The following CLTA variants were observed in gnomAD, a reference collection of about 807,000 sequenced individuals.
CLTA encodes clathrin light chain A.
CLTA carries 9 observed loss-of-function variants against 26.9 expected under a neutral mutation model. The observed-to-expected ratio is 0.33, with a 90% CI of 0.20 to 0.58. The LOEUF (loss-of-function observed/expected upper bound fraction) is 0.58. CLTA is among the 20% of genes least tolerant of loss of function. CLTA has a pLI of 0.85. For missense variants in CLTA, 278 were observed against 294.2 expected (o/e 0.94, Z 0.40); for synonymous variants, 120 against 115.5 (o/e 1.04, Z -0.25).
chr9:36,209,187 G>A, intron 4 of CLTA: 1 of 1,570,192 alleles, frequency 6.4e-7, no homozygotes, highest in African/African-American at 1.4e-5. Context: ...CTCAATTGTG[G>A]ATTTTAGATG....
At chr9:36,191,318 C>T (rs1324077164) in intron 1 of CLTA, 45 bp downstream of exon 1, 1 of 1,472,300 alleles carries the variant, frequency 6.8e-7, no homozygotes, top group Admixed American at 2.5e-5. Context: ...TGTCTGGAAA[C>T]TCGGTCCACA....
In CLTA at chr9:36,191,262, C is replaced by T; in HGVS notation, c.206C>T (p.Pro69Leu). The T allele has an allele frequency of 6.6e-7, 1 of 1,524,768 alleles. No homozygotes were observed. The allele number at this position is 1,524,768 out of a possible 1,614,324, so 94.5% of individuals were successfully genotyped here. The change falls in exon 1 of 5, where the codon CCG becomes CTG. Residue 69 changes from proline (P) to leucine (L), a missense_variant. Physicochemically the swap from Pro to Leu is moderately conservative, Grantham distance 98. Coordinates refer to ENST00000345519, the MANE Select transcript of CLTA (RefSeq NM_001833.4). ...APGPQPHGEP[P>L]GGPDAVDGVM... ...GGGCCCCAGCCGCACGGCGAGCCGC[C>T]GGGGGGTCCGGGTGAGAGTGCGGGC...
chr9:36,199,993 C>A (rs1314659473), intron 3 of CLTA, among the ~76,000 whole-genome samples: 1 of 152,160 alleles, frequency 6.6e-6, no homozygotes, highest in African/African-American at 2.4e-5. Flanking sequence ...CTACCCATCC[C>A]CATCAGCCAC....
At chr9:36,190,888 C>T (rs992114345), upstream of CLTA, 5 of 1,230,438 alleles carry the variant, frequency 4.1e-6, no homozygotes, top group Admixed American at 3.4e-5. Flanking sequence ...TCTGCAACAC[C>T]GCCTAGACCG....
Position 36,210,675 on chromosome 9 carries a change from T to C in CLTA, c.486-928T>C, listed in dbSNP as rs781739523. The C allele has an allele frequency of 8.7e-6, 14 of 1,614,036 alleles. No individual in the cohort carries two copies. In the South Asian group the frequency reaches 1.5e-4, roughly 18 times the overall value. On this transcript the variant is annotated intron_variant, in intron 4 of 4. Coordinates refer to ENST00000345519, the MANE Select transcript of CLTA (RefSeq NM_001833.4). ...AGCCTAGAACAGTTAAGTAAACCTT[T>C]CTCACTGCCCCTAACTGTGTGTGCC... is the stretch of plus-strand genomic sequence containing the variant.
At chr9:36,195,332 CCAAAT>C (rs1040867864) in intron 1 of CLTA, among the ~76,000 whole-genome samples, 1 of 152,000 alleles carries the variant, frequency 6.6e-6, no homozygotes, top group African/African-American at 2.4e-5. Flanking sequence ...ATACCATAAA[CCAAAT>C]CAAAAGAGAA....
At chr9:36,199,454 C>CTTTTTTT (rs879907387) in intron 3 of CLTA, among the ~76,000 whole-genome samples, 4 of 142,538 alleles carry the variant, frequency 2.8e-5, no homozygotes, top group African/African-American at 2.6e-5. Flanking sequence ...TTTCTTTTTT[C>CTTTTTTT]TTTTTTTTTT....
intron 3 of CLTA, among the ~76,000 whole-genome samples, chr9:36,202,967 G>A (rs1406708211): frequency 6.6e-6 from 1 of 152,016 alleles, no homozygotes; most frequent in African/African-American, 2.4e-5. Flanking sequence ...CAGTAGCTGG[G>A]ATTATAGGCA....
intron 1 of CLTA, among the ~76,000 whole-genome samples, chr9:36,197,259 A>G (rs117291059): frequency 0.016 from 2,453 of 152,314 alleles, 31 homozygotes; most frequent in Non-Finnish European, 0.023. Context: ...TCATAGAGAA[A>G]CACTGTTCTC....
At chr9:36,203,458 A>G (rs774967479) in intron 3 of CLTA, among the ~76,000 whole-genome samples, 7 of 152,186 alleles carry the variant, frequency 4.6e-5, no homozygotes, top group East Asian at 1.9e-4. Context: ...TCTGTGTTCT[A>G]TCATTCTCTG....
chr9:36,207,682 CAG>C (rs747928149), intron 4 of CLTA, among the ~76,000 whole-genome samples: 14 of 152,306 alleles, frequency 9.2e-5, no homozygotes, highest in Non-Finnish European at 1.8e-4. Context: ...GCAACCTTGA[CAG>C]GGGATGTGCT....
At chr9:36,199,884 A>G (rs1339668431) in intron 3 of CLTA, among the ~76,000 whole-genome samples, 3 of 152,246 alleles carry the variant, frequency 2.0e-5, no homozygotes, top group Non-Finnish European at 4.4e-5. Flanking sequence ...TTTTACAGGT[A>G]AGAAAAGTGG....
intron 4 of CLTA, chr9:36,209,161 C>T (rs886641036): frequency 3.8e-5 from 53 of 1,398,758 alleles, no homozygotes; most frequent in Admixed American, 3.4e-4. Flanking sequence ...AGCAGCTCCT[C>T]AGAGCACAGT....
intron 3 of CLTA, among the ~76,000 whole-genome samples, chr9:36,203,008 T>C (rs1179765486): frequency 1.3e-5 from 2 of 152,032 alleles, no homozygotes; most frequent in Admixed American, 1.3e-4. Flanking sequence ...ATTTTTTGTA[T>C]TTTTAGTAGA....
intron 2 of CLTA, 90 bp from the exon 3 acceptor site, chr9:36,198,889 A>C (rs1827228920): frequency 1.2e-6 from 1 of 852,346 alleles, no homozygotes; most frequent in Non-Finnish European, 1.9e-6. Context: ...AAAAAAAAAA[A>C]AAACAGAACC....
At position 36,191,194 on chromosome 9, in the gene CLTA, C is replaced by T. The variant is rs563812223; in HGVS notation, c.138C>T (p.Ile46=). 6.3e-7 allele frequency: 1 copy of T among 1,578,040 alleles called. No homozygotes were observed. The highest frequency in any genetic ancestry group is 1.1e-5 in the South Asian group (1 of 87,460). Residue 46 remains isoleucine (I), a synonymous_variant, in exon 1 of 5, where the codon ATC becomes ATT. Coordinates refer to ENST00000345519, the MANE Select transcript of CLTA (RefSeq NM_001833.4). The part of the protein sequence containing the change: ...LAQQESEIAG[I]ENDEAFAILD... ...AGCAAGAGAGCGAGATTGCGGGCAT[C>T]GAGAACGACGAGGCCTTCGCCATCC... is the stretch of plus-strand genomic sequence containing the variant.
At chr9:36,194,266 AGCCACCC>A (rs1826904602) in intron 1 of CLTA, among the ~76,000 whole-genome samples, 1 of 152,182 alleles carries the variant, frequency 6.6e-6, no homozygotes, top group Admixed American at 6.5e-5. Flanking sequence ...ACCTCAGGTG[AGCCACCC>A]GCCTTGGCCT....
At chr9:36,191,320 C>T (rs1032116018) in intron 1 of CLTA, 47 bp downstream of exon 1, 4 of 1,470,134 alleles carry the variant, frequency 2.7e-6, no homozygotes, top group African/African-American at 1.4e-5. Flanking sequence ...TCTGGAAACT[C>T]GGTCCACAGT....
chr9:36,205,761 T>A, intron 4 of CLTA, among the ~76,000 whole-genome samples: 1 of 144,324 alleles, frequency 6.9e-6, no homozygotes, highest in East Asian at 2.0e-4. Context: ...ACCTGTTTTT[T>A]TTTTTTTTTT....
Sources: allele counts gnomAD v4.1 joint callset (sites outside exome capture counted in the v4.1 genomes callset), GRCh38; gene constraint gnomAD v4.1.1; transcripts MANE v1.5; gene names NCBI Gene and HGNC (gene_info 2026-07-23, HGNC 2026-07-21).